The following HLA-DQA1 variants were observed in gnomAD, a reference collection of about 807,000 sequenced individuals.
HLA-DQA1 encodes HLA class II histocompatibility antigen, DQ alpha 1 chain.
Under a neutral mutation model 20.7 loss-of-function variants are expected in HLA-DQA1, and 10 were observed. The observed-to-expected ratio is 0.48, with a 90% CI of 0.30 to 0.82. The LOEUF is 0.82. HLA-DQA1 is among the 40% of genes least tolerant of loss of function. The pLI, the probability that HLA-DQA1 is intolerant of heterozygous loss-of-function variation, is 0.07. For missense variants in HLA-DQA1, 127 were observed against 293.0 expected, an observed-to-expected ratio of 0.43 and a Z score of 4.14; for synonymous variants, 39 against 109.2, an observed-to-expected ratio of 0.36 and a Z score of 4.01.
chr6:32,641,971 G>A lies in HLA-DQA1; in HGVS notation c.332-1G>A. 1.9e-6 allele frequency: 3 copies of A among 1,543,556 alleles called. No homozygotes were observed. The South Asian group carries it at 3.3e-5, about 17-fold the overall frequency. ...ACACCAGTGCTGTTTCCTCACCACA[G>A]AGGTTCCTGAGGTCACAGTGTTTTC... On this transcript the variant is annotated splice_acceptor_variant, in intron 2 of 4. Transcript: ENST00000343139. LOFTEE classifies it high-confidence loss of function.
downstream of HLA-DQA1, chr6:32,643,706 T>C (rs1319143644): frequency 7.0e-6 from 1 of 142,944 alleles, no homozygotes; most frequent in Non-Finnish European, 1.5e-5. Context: ...TGAAGAATGA[T>C]GACAGTAGAA....
the HLA-DQA1 span, among the ~76,000 whole-genome samples, chr6:32,653,054 G>A: frequency 0.075 from 11,078 of 148,022 alleles, 1,023 homozygotes; most frequent in South Asian, 0.24. Flanking sequence ...AAAATCCGAT[G>A]AGGCAGGTTT....
intron 2 of HLA-DQA1, 46 bp downstream of exon 2, chr6:32,641,604 A>G (rs752246741): frequency 2.3e-6 from 2 of 883,678 alleles, no homozygotes; most frequent in African/African-American, 4.2e-5. Context: ...TTATCCCTCC[A>G]TACCAGGGTT....
At chr6:32,644,243 A>G (rs1781725294), downstream of HLA-DQA1, 2 of 152,088 alleles carry the variant, frequency 1.3e-5, no homozygotes, top group Admixed American at 6.6e-5. Flanking sequence ...ATGGCTCTAA[A>G]CAGCTATGAA....
chr6:32,639,144 C>G, intron 1 of HLA-DQA1: 1 of 223,186 alleles, frequency 4.5e-6, no homozygotes, highest in Non-Finnish European at 9.0e-6. Flanking sequence ...AACCTCACAC[C>G]AGAGTGCCCT....
chr6:32,649,757 C>T (rs1299220572), downstream of HLA-DQA1, among the ~76,000 whole-genome samples: 1 of 94,964 alleles, frequency 1.1e-5, no homozygotes, highest in African/African-American at 3.6e-5. Flanking sequence ...TAGGCAATAC[C>T]ATTCAGGACA....
chr6:32,640,316 T>A lies in HLA-DQA1; in HGVS notation c.83-994T>A, dbSNP rs9272628. Among the ~76,000 whole-genome samples, 4 of 87,546 alleles carry A rather than the reference T, an allele frequency of 4.6e-5. 1 individual carries two copies. In the East Asian group the frequency reaches 1.5e-3, roughly 33 times the overall value. The allele number at this position is 87,546 out of a possible 152,430, so 57.4% of individuals were successfully genotyped here. ...ATGCCTGATTGGTGTTTTACACATC[T>A]CCGGCTATGTCTGACACTTGTGGAT... is the stretch of plus-strand genomic sequence containing the variant. On this transcript the variant is annotated intron_variant, in intron 1 of 4. Transcript: ENST00000343139.
chr6:32,654,394 A>G, the HLA-DQA1 span, among the ~76,000 whole-genome samples: 36,384 of 91,264 alleles, frequency 0.4, 9,026 homozygotes, highest in Middle Eastern at 0.6. Context: ...ATGCACTGTC[A>G]TTTCTCAGCA....
downstream of HLA-DQA1, chr6:32,646,519 T>C (rs9273262): frequency 7.9e-5 from 7 of 88,990 alleles, no homozygotes; most frequent in African/African-American, 1.6e-4. Flanking sequence ...ATTGTGCCAC[T>C]GTGCTCACTC....
chr6:32,642,479 A>T, intron 3 of HLA-DQA1, 131 bp from the exon 4 acceptor site: 1 of 771,788 alleles, frequency 1.3e-6, no homozygotes, highest in Non-Finnish European at 2.1e-6. Context: ...TTTTCTAATG[A>T]TAGACTTCAC....
At chr6:32,647,132 A>C (rs1251836933), downstream of HLA-DQA1, 1 of 151,936 alleles carries the variant, frequency 6.6e-6, no homozygotes, top group Non-Finnish European at 1.5e-5. Flanking sequence ...TGGGTTTACA[A>C]AATTGCCCAT....
At chr6:32,654,354 T>C in the HLA-DQA1 span, among the ~76,000 whole-genome samples, 19,268 of 104,526 alleles carry the variant, frequency 0.18, 2,844 homozygotes, top group Middle Eastern at 0.33. Flanking sequence ...GGAGATCGAC[T>C]GTACAGCATG....
rs797009557 is a variant in HLA-DQA1 at position 32,640,571 on chromosome 6, A to G, written c.83-739A>G. Reference sequence around the variant, plus strand: ...CTCCTTCACAGGAAAAAAAAAAAAAAGGTGGGGGGAATGACAGAAATCCAA... The same window carrying G: ...CTCCTTCACAGGAAAAAAAAAAAAAGGGTGGGGGGAATGACAGAAATCCAA... On this transcript the variant is annotated intron_variant, in intron 1 of 4. Transcript: ENST00000343139. Among the ~76,000 whole-genome samples, 640 of 80,010 alleles carry G rather than the reference A, an allele frequency of 8.0e-3. 14 individuals carry two copies. Among genetic ancestry groups the G allele is most frequent in the Non-Finnish European group, 0.01 (365 of 35,824 alleles). 52.5% of individuals were successfully genotyped at this position (80,010 alleles called of 152,430 possible). A position where few individuals can be genotyped will look rare whatever the true frequency, so the allele number is the denominator to read the frequency against.
At chr6:32,641,200 A>G (rs75174795) in intron 1 of HLA-DQA1, 110 bp from the exon 2 acceptor site, 103,343 of 637,836 alleles carry the variant, frequency 0.16, 25,415 homozygotes, top group South Asian at 0.33. Flanking sequence ...AGACTGTGCC[A>G]AAAAATGAAG....
At chr6:32,640,950 T>TC (rs1781347289) in intron 1 of HLA-DQA1, among the ~76,000 whole-genome samples, 1 of 105,040 alleles carries the variant, frequency 9.5e-6, no homozygotes, top group Non-Finnish European at 2.1e-5. Flanking sequence ...CAGAGGGAAG[T>TC]AAACCTAATT....
chr6:32,642,493 T>C (rs9272776), intron 3 of HLA-DQA1, 117 bp from the exon 4 acceptor site: 275,222 of 639,606 alleles, frequency 0.43, 101,254 homozygotes, highest in East Asian at 0.64. Flanking sequence ...ACTTCACTCT[T>C]CTCCCTAAGC....
Position 32,641,461 on chromosome 6 carries a change from AGGT to A in HLA-DQA1, c.235_237del (p.Gly79del), listed in dbSNP as rs534654325. On this transcript the variant is annotated inframe_deletion, in exon 2 of 5. Transcript: ENST00000343139. Reference sequence around the variant, plus strand: ...GGTGGCCTGAGTTCAGCAAATTTGGAGGTTTTGACCCGCAGGGTGCACTGAGAA... The same window carrying A: ...GGTGGCCTGAGTTCAGCAAATTTGGATTTGACCCGCAGGGTGCACTGAGAA... The A allele has an allele frequency of 8.9e-3, 8,955 of 1,011,592 alleles. 3,531 individuals are homozygous for A. The highest frequency in any genetic ancestry group is 0.027 in the Admixed American group (700 of 26,020). The allele number at this position is 1,011,592 out of a possible 1,614,324, so 62.7% of individuals were successfully genotyped here. A position where few individuals can be genotyped will look rare whatever the true frequency, so the allele number is the denominator to read the frequency against.
the HLA-DQA1 span, among the ~76,000 whole-genome samples, chr6:32,654,177 G>A: frequency 7.9e-5 from 8 of 100,728 alleles, 3 homozygotes; most frequent in Non-Finnish European, 2.2e-5. Context: ...GGTGGGGCAT[G>A]CCAGTAGTCC....
At chr6:32,638,341 A>T (rs1324772543) in intron 1 of HLA-DQA1, among the ~76,000 whole-genome samples, 1 of 125,822 alleles carries the variant, frequency 7.9e-6, no homozygotes, top group East Asian at 2.3e-4. Flanking sequence ...ATCAACCCAA[A>T]TTACCTGTTC....
Sources: gnomAD v4.1 joint callset for allele counts (sites outside exome capture counted in the v4.1 genomes callset) on GRCh38, gnomAD v4.1.1 for gene constraint, MANE v1.5 for transcripts, NCBI Gene and HGNC (gene_info 2026-07-23, HGNC 2026-07-21) for gene names.